The following PLEKHM3 variants were observed in gnomAD, a reference collection of about 807,000 sequenced individuals.
The protein encoded by PLEKHM3 is pleckstrin homology domain-containing family M member 3.
PLEKHM3 carries 45 observed loss-of-function variants against 81.8 expected under a neutral mutation model. The observed-to-expected ratio is 0.55, with a 90% CI of 0.43 to 0.71. The LOEUF (loss-of-function observed/expected upper bound fraction) is 0.71. Ranked by LOEUF, PLEKHM3 falls within the 30% of genes least tolerant of loss-of-function variation. PLEKHM3 has a pLI of 0.00. For missense variants in PLEKHM3, 788 were observed against 924.3 expected, an observed-to-expected ratio of 0.85 and a Z score of 1.91; for synonymous variants, 352 against 356.4, an observed-to-expected ratio of 0.99 and a Z score of 0.14.
chr2:207,951,887 C>T (rs1227176303), intron 3 of PLEKHM3, among the ~76,000 whole-genome samples: 6 of 152,206 alleles, frequency 3.9e-5, no homozygotes, highest in Non-Finnish European at 8.8e-5. Context: ...TCTCCTTTCC[C>T]TGACCAGCAG....
chr2:207,832,182 G>T (rs549185378), intron 7 of PLEKHM3, among the ~76,000 whole-genome samples: 1 of 152,256 alleles, frequency 6.6e-6, no homozygotes, highest in African/African-American at 2.4e-5. Flanking sequence ...AAAAATTAAT[G>T]ATTTCAAAAT....
chr2:207,987,863 T>C (rs1311097644), intron 2 of PLEKHM3, among the ~76,000 whole-genome samples: 1 of 152,208 alleles, frequency 6.6e-6, no homozygotes, highest in East Asian at 1.9e-4. Flanking sequence ...CCTGTTTCAC[T>C]GGACTCCTAG....
At chr2:207,981,218 T>C (rs1691513785) in intron 2 of PLEKHM3, among the ~76,000 whole-genome samples, 1 of 152,016 alleles carries the variant, frequency 6.6e-6, no homozygotes, top group African/African-American at 2.4e-5. Flanking sequence ...TCCATTCCTC[T>C]CTGGAGGATC....
At chr2:207,997,218 C>T (rs1025740717) in intron 2 of PLEKHM3, among the ~76,000 whole-genome samples, 1 of 152,154 alleles carries the variant, frequency 6.6e-6, no homozygotes, top group African/African-American at 2.4e-5. Flanking sequence ...CCTAGCTACC[C>T]ACAGCCCTCA....
At chr2:207,910,750 C>T (rs924125170) in intron 5 of PLEKHM3, among the ~76,000 whole-genome samples, 11 of 152,078 alleles carry the variant, frequency 7.2e-5, no homozygotes, top group African/African-American at 4.8e-5. Context: ...GAAGCAGGAA[C>T]GCCACACTGA....
Position 207,976,806 on chromosome 2 carries a change from T to C in PLEKHM3, c.1391A>G (p.Asn464Ser). 1 of 1,614,188 alleles carries C rather than the reference T, an allele frequency of 6.2e-7. No individual in the cohort carries two copies. Among genetic ancestry groups the C allele is most frequent in the South Asian group, 1.1e-5 (1 of 91,084 alleles). ...AANVARSSEQ[N>S]LQVTLRNKPK... The stretch of plus-strand genomic sequence containing the variant: ...TTTGTTCCTCAGTGTGACTTGCAGG[T>C]TTTGCTCTGAACTCCTCGCCACATT... The change falls in exon 3 of 8, where the codon AAC (asparagine) becomes AGC (serine). Residue 464 changes from asparagine to serine, a missense_variant. By Grantham distance (46) the Asn-to-Ser change is conservative. Transcript: ENST00000427836. The surrounding 1 kb of genome is among the most constrained non-coding windows in gnomAD (Gnocchi z 4.1).
intron 2 of PLEKHM3, among the ~76,000 whole-genome samples, chr2:207,979,925 C>T (rs768689625): frequency 6.6e-6 from 1 of 152,236 alleles, no homozygotes; most frequent in South Asian, 2.1e-4. Flanking sequence ...GCAACCCACA[C>T]TAATCCCTTT....
At chr2:208,004,326 G>A (rs574804854) in intron 1 of PLEKHM3, among the ~76,000 whole-genome samples, 7 of 152,056 alleles carry the variant, frequency 4.6e-5, no homozygotes, top group African/African-American at 1.7e-4. Context: ...GAGGTGGGAG[G>A]AGGATCATTT....
chr2:207,826,177 G>A lies in PLEKHM3; in HGVS notation c.*2142C>T, dbSNP rs1237756451. The A allele has an allele frequency of 6.6e-6, 1 of 152,242 alleles. No individual in the cohort carries two copies. Among genetic ancestry groups the A allele is most frequent in the African/African-American group, 2.4e-5 (1 of 41,450 alleles). 9.4% of individuals were successfully genotyped at this position (152,242 alleles called of 1,614,324 possible). On this transcript the variant is annotated 3_prime_UTR_variant, in exon 8 of 8. Coordinates refer to ENST00000427836, the MANE Select transcript of PLEKHM3 (RefSeq NM_001080475.3). ...ACAGTGACAGGGAGCTGGGGGCGGA[G>A]GGAGAAGGCACTTTGCCATGGGAGC...
At chr2:207,903,244 A>T (rs535279610) in intron 6 of PLEKHM3, among the ~76,000 whole-genome samples, 309 of 152,302 alleles carry the variant, frequency 2.0e-3, no homozygotes, top group Non-Finnish European at 2.7e-3. Context: ...AACTGCCCTC[A>T]CCTAAAGGTA....
chr2:208,022,898 C>A (rs78098760), intron 1 of PLEKHM3, among the ~76,000 whole-genome samples: 9 of 152,198 alleles, frequency 5.9e-5, no homozygotes, highest in Non-Finnish European at 1.0e-4. Flanking sequence ...TTGCCTGCCA[C>A]AGTCTTAGGT....
At chr2:207,995,991 T>A (rs1378052953) in intron 2 of PLEKHM3, among the ~76,000 whole-genome samples, 1 of 152,150 alleles carries the variant, frequency 6.6e-6, no homozygotes, top group East Asian at 1.9e-4. Flanking sequence ...TCGGACAGAC[T>A]AAAGGGCAAA....
intron 3 of PLEKHM3, among the ~76,000 whole-genome samples, chr2:207,955,338 G>A (rs1690467505): frequency 6.6e-6 from 1 of 151,834 alleles, no homozygotes; most frequent in African/African-American, 2.4e-5. Flanking sequence ...AACAGTCTAT[G>A]ACTAGACTTT....
chr2:207,960,158 C>G (rs1343553625), intron 3 of PLEKHM3, among the ~76,000 whole-genome samples: 1 of 152,228 alleles, frequency 6.6e-6, no homozygotes, highest in Non-Finnish European at 1.5e-5. Context: ...GCTTCTCTCC[C>G]CATCCCTTAT....
At chr2:207,929,756 C>A in intron 5 of PLEKHM3, 1 of 480,250 alleles carries the variant, frequency 2.1e-6, no homozygotes, top group Non-Finnish European at 3.7e-6. Context: ...GAGAGCTTGT[C>A]TAGATATTAT....
intron 7 of PLEKHM3, among the ~76,000 whole-genome samples, chr2:207,859,367 A>G (rs2092455040): frequency 1.3e-5 from 2 of 151,564 alleles, no homozygotes; most frequent in African/African-American, 2.4e-5. Context: ...CGAACTCCCA[A>G]TCTCAGGTGA....
intron 5 of PLEKHM3, among the ~76,000 whole-genome samples, chr2:207,928,922 T>C (rs1343628352): frequency 6.6e-6 from 1 of 152,216 alleles, no homozygotes; most frequent in Non-Finnish European, 1.5e-5. Context: ...GTGTTTTGGA[T>C]GGGTCAGACA....
At chr2:207,984,057 A>G (rs1275498158) in intron 2 of PLEKHM3, among the ~76,000 whole-genome samples, 1 of 152,212 alleles carries the variant, frequency 6.6e-6, no homozygotes, top group Non-Finnish European at 1.5e-5. Flanking sequence ...ATTTCATTAC[A>G]GAAAGTTTCA....
chr2:207,850,105 C>G (rs2092404782), intron 7 of PLEKHM3, among the ~76,000 whole-genome samples: 1 of 152,114 alleles, frequency 6.6e-6, no homozygotes, highest in Non-Finnish European at 1.5e-5. Flanking sequence ...TCTAGCAACC[C>G]CCTATCACCA....
Sources: gnomAD v4.1 joint callset for allele counts (sites outside exome capture counted in the v4.1 genomes callset) on GRCh38, gnomAD v4.1.1 for gene constraint, Gnocchi (gnomAD v3.1) non-coding constraint, MANE v1.5 for transcripts, NCBI Gene and HGNC (gene_info 2026-07-23, HGNC 2026-07-21) for gene names.